RIPOR2: variants seen among roughly 807,000 people sequenced by gnomAD.
The protein encoded by RIPOR2 is rho family-interacting cell polarization regulator 2.
RIPOR2 carries 39 observed loss-of-function variants against 114.5 expected under a neutral mutation model. The ratio of observed to expected loss-of-function variants is 0.34; its 90% CI spans 0.26 to 0.44. RIPOR2 has a LOEUF of 0.44. RIPOR2 is among the 20% of genes least tolerant of loss of function. RIPOR2 has a pLI of 1.00. For missense variants in RIPOR2, 1,007 were observed against 1,255.1 expected (o/e 0.80, Z 2.99); for synonymous variants, 445 against 484.4 (o/e 0.92, Z 1.07).
Position 24,875,762 on chromosome 6 carries a change from A to G in RIPOR2, c.117T>C (p.Pro39=), listed in dbSNP as rs1288236004. 2 of 1,613,550 alleles carry G rather than the reference A, an allele frequency of 1.2e-6. No individual in the cohort carries two copies. Among genetic ancestry groups the G allele is most frequent in the Non-Finnish European group, 1.7e-6 (2 of 1,179,682 alleles). ...IMLVGSQSFS[P]GGPNGIIRSQ... is the part of the protein sequence containing the mutation. ...TTCTAATGATCCCATTGGGCCCTCC[A>G]GGCGAAAAAGACTGGGATCCTACCA... Residue 39 remains proline (P), a synonymous_variant, in exon 2 of 22, where the codon CCT becomes CCC. Coordinates refer to ENST00000643898, the MANE Select transcript of RIPOR2 (RefSeq NM_001286445.3).
chr6:24,861,016 C>A lies in RIPOR2; in HGVS notation c.672G>T (p.Val224=), dbSNP rs1764018998. Residue 224 remains valine, a synonymous_variant, in exon 8 of 22, where the codon GTG becomes GTT. Transcript: ENST00000643898. ...EYTENMCTIE[V]ELENLLGEFS... is the part of the protein sequence containing the mutation. ...ATTCTCCCAGCAGATTCTCTAGCTCCACTTCAATGGTGCACATATTCTGCA... is the reference window on the plus strand; with the variant it reads ...ATTCTCCCAGCAGATTCTCTAGCTCAACTTCAATGGTGCACATATTCTGCA... 1 of 1,610,304 alleles carries A rather than the reference C, an allele frequency of 6.2e-7. No individual in the cohort carries two copies. Among genetic ancestry groups the A allele is most frequent in the African/African-American group, 1.3e-5 (1 of 74,852 alleles).
intron 1 of RIPOR2, chr6:24,976,914 G>T (rs558579724): frequency 3.8e-5 from 60 of 1,599,282 alleles, no homozygotes; most frequent in Non-Finnish European, 4.7e-5. Context: ...GCCATGGAGC[G>T]CTTTGGGTCC....
intron 1 of RIPOR2, among the ~76,000 whole-genome samples, chr6:24,972,036 G>A (rs1252217896): frequency 6.6e-6 from 1 of 152,236 alleles, no homozygotes. Context: ...TGGAGTTTAT[G>A]TTGCCACTGT....
intron 1 of RIPOR2, among the ~76,000 whole-genome samples, chr6:24,928,687 C>T (rs1648545718): frequency 1.3e-5 from 2 of 152,194 alleles, no homozygotes; most frequent in Admixed American, 6.5e-5. Flanking sequence ...AAAAGTAGCA[C>T]CATAACCTCA....
intron 1 of RIPOR2, among the ~76,000 whole-genome samples, chr6:24,894,221 A>G (rs1012223757): frequency 6.6e-6 from 1 of 152,252 alleles, no homozygotes; most frequent in Non-Finnish European, 1.5e-5. Context: ...ATGTTTGCAG[A>G]CTGCACTTTT....
chr6:24,829,139 C>T (rs898157671), intron 17 of RIPOR2, among the ~76,000 whole-genome samples: 2 of 151,786 alleles, frequency 1.3e-5, no homozygotes, highest in South Asian at 2.1e-4. Flanking sequence ...ATGGCGGAAC[C>T]CTGTTTCTAC....
intron 1 of RIPOR2, among the ~76,000 whole-genome samples, chr6:24,926,934 CACCATGATTATTATA>C (rs1770899535): frequency 2.0e-5 from 3 of 148,770 alleles, no homozygotes; most frequent in South Asian, 2.2e-4. Flanking sequence ...TCACCACCAC[CACCATGATTATTATA>C]ATCATCATCT....
intron 21 of RIPOR2, among the ~76,000 whole-genome samples, chr6:24,807,476 G>T (rs1780847559): frequency 6.6e-6 from 1 of 152,014 alleles, no homozygotes; most frequent in South Asian, 2.1e-4. Flanking sequence ...CATGTTTAAG[G>T]TAGGCTAGGC....
Position 24,849,860 on chromosome 6 carries a change from C to T in RIPOR2, c.976G>A (p.Val326Met), listed in dbSNP as rs1398881395. The change falls in exon 11 of 22, where the codon GTG (valine) becomes ATG (methionine). Residue 326 changes from valine (V) to methionine (M), a missense_variant. Coordinates refer to ENST00000643898, the MANE Select transcript of RIPOR2 (RefSeq NM_001286445.3). ...CCAAGGTCATTGATGTCGACAGCCA[C>T]TACCTGAGGTCGGGCTGCAAACAGC... ...KELFAARPQV[V>M]AVDINDLGTI... The T allele has an allele frequency of 6.2e-7, 1 of 1,613,722 alleles. No individual in the cohort carries two copies. The highest frequency in any genetic ancestry group is 8.5e-7 in the Non-Finnish European group (1 of 1,179,760).
chr6:24,946,672 G>GATC (rs1295268662), intron 1 of RIPOR2, among the ~76,000 whole-genome samples: 2 of 152,152 alleles, frequency 1.3e-5, no homozygotes, highest in Admixed American at 1.3e-4. Flanking sequence ...CAGGGACTGG[G>GATC]ATCAGGGGGT....
intron 1 of RIPOR2, among the ~76,000 whole-genome samples, chr6:24,963,190 C>G (rs1380627089): frequency 1.3e-5 from 2 of 152,140 alleles, no homozygotes; most frequent in South Asian, 4.1e-4. Flanking sequence ...CACCACCACA[C>G]CCAGCTAATT....
chr6:24,840,468 T>C, intron 13 of RIPOR2: 11 of 1,344,034 alleles, frequency 8.2e-6, no homozygotes, highest in Non-Finnish European at 1.1e-5. Context: ...CCAGTTGCTA[T>C]GGGCACAGAG....
At chr6:25,025,907 T>C (rs1382860349) in intron 1 of RIPOR2, among the ~76,000 whole-genome samples, 3 of 152,222 alleles carry the variant, frequency 2.0e-5, no homozygotes, top group African/African-American at 7.2e-5. Context: ...CTGTGATACA[T>C]TGATGAGCTT....
chr6:24,963,234 T>C (rs371780604), intron 1 of RIPOR2, among the ~76,000 whole-genome samples: 85 of 152,282 alleles, frequency 5.6e-4, no homozygotes, highest in African/African-American at 1.9e-3. Context: ...GGTTTCACCA[T>C]GTTGGCCAGG....
chr6:24,875,599 G>T, intron 2 of RIPOR2, 92 bp downstream of exon 2: 1 of 1,300,272 alleles, frequency 7.7e-7, no homozygotes, highest in Non-Finnish European at 1.1e-6. Context: ...GGGGCGGTTT[G>T]ACAAGGCTGA....
chr6:24,967,866 A>G (rs1470685605), intron 1 of RIPOR2, among the ~76,000 whole-genome samples: 1 of 150,680 alleles, frequency 6.6e-6, no homozygotes, highest in Non-Finnish European at 1.5e-5. Context: ...AGGTCTTCAG[A>G]CCTGAGACCA....
At chr6:25,021,273 G>A (rs1022518385) in intron 1 of RIPOR2, among the ~76,000 whole-genome samples, 1 of 152,160 alleles carries the variant, frequency 6.6e-6, no homozygotes, top group Non-Finnish European at 1.5e-5. Flanking sequence ...TGCATTTCTG[G>A]ACAGGGTGAC....
At chr6:24,960,917 G>A (rs554642606) in intron 1 of RIPOR2, among the ~76,000 whole-genome samples, 3 of 152,162 alleles carry the variant, frequency 2.0e-5, no homozygotes, top group Admixed American at 6.5e-5. Context: ...CCAGTCATAC[G>A]AGTGAGGGGT....
chr6:24,931,287 TC>T (rs1771374551), intron 1 of RIPOR2, among the ~76,000 whole-genome samples: 1 of 152,178 alleles, frequency 6.6e-6, no homozygotes, highest in Admixed American at 6.5e-5. Context: ...TAATTACAAT[TC>T]TTTTTGTGTG....
Sources: allele counts gnomAD v4.1 joint callset (sites outside exome capture counted in the v4.1 genomes callset), GRCh38; gene constraint gnomAD v4.1.1; transcripts MANE v1.5; gene names NCBI Gene and HGNC (gene_info 2026-07-23, HGNC 2026-07-21).